TMEFF1: variants seen among roughly 807,000 people sequenced by gnomAD.
TMEFF1 encodes the protein tomoregulin-1.
In TMEFF1, 20 loss-of-function variants were observed where a neutral mutation model predicts 47.5. That is an observed-to-expected ratio of 0.42 (90% CI 0.30 to 0.61). The LOEUF is 0.61. Ranked by LOEUF, TMEFF1 falls within the 20% of genes least tolerant of loss-of-function variation. The probability of loss-of-function intolerance (pLI) is 0.19; values close to 1 mark genes in which losing one functional copy is unlikely to be tolerated. For missense variants in TMEFF1, 411 were observed against 471.1 expected (o/e 0.87, Z 1.18); for synonymous variants, 162 against 166.3 (o/e 0.97, Z 0.20).
In TMEFF1 at chr9:100,550,065, T is replaced by C. The variant is rs371838783; in HGVS notation, c.710-30T>C. 13 of 1,596,022 alleles carry C rather than the reference T, an allele frequency of 8.1e-6. No individual in the cohort carries two copies. In the African/African-American group the frequency reaches 1.6e-4, roughly 20 times the overall value. ...TGATATGACTTAACCATTGTATATA[T>C]TTTAATTTGAAAACCGTCTTCTCTT... On this transcript the variant is annotated intron_variant, in intron 6 of 9. Coordinates refer to ENST00000374879, the MANE Select transcript of TMEFF1 (RefSeq NM_003692.5).
Position 100,536,146 on chromosome 9 carries a change from C to T in TMEFF1, c.561-11598C>T, listed in dbSNP as rs1838501803. Among the ~76,000 whole-genome samples the T allele has an allele frequency of 2.0e-5, 3 of 152,140 alleles. No homozygotes were observed. The South Asian group carries it at 6.2e-4, about 31-fold the overall frequency. ...ATAGATCAGGCTATGTTTATTAGTG[C>T]TAGAAGCGTGTCATTTATTTCAAAA... is the stretch of plus-strand genomic sequence containing the variant. On this transcript the variant is annotated intron_variant, in intron 5 of 9. Transcript: ENST00000374879.
At chr9:100,509,430 A>G (rs1011166024) in intron 3 of TMEFF1, among the ~76,000 whole-genome samples, 16 of 152,028 alleles carry the variant, frequency 1.1e-4, no homozygotes, top group African/African-American at 3.9e-4. Flanking sequence ...AGACAGAATG[A>G]GCTTTGAGGT....
At chr9:100,535,239 T>G (rs1257237926) in intron 5 of TMEFF1, among the ~76,000 whole-genome samples, 1 of 152,212 alleles carries the variant, frequency 6.6e-6, no homozygotes, top group East Asian at 1.9e-4. Context: ...TTATTTTTCA[T>G]TACTTCTTCA....
intron 5 of TMEFF1, among the ~76,000 whole-genome samples, chr9:100,538,762 G>C (rs1838567159): frequency 6.6e-6 from 1 of 152,098 alleles, no homozygotes; most frequent in African/African-American, 2.4e-5. Context: ...CAGTTTTACT[G>C]CTTGTTGAAT....
At chr9:100,498,617 T>G (rs746901511) in intron 1 of TMEFF1, 148 bp from the exon 2 acceptor site, 2 of 593,824 alleles carry the variant, frequency 3.4e-6, no homozygotes, top group African/African-American at 1.9e-5. Flanking sequence ...CAGAATTTCT[T>G]TTTGTATAGT....
chr9:100,567,945 C>T (rs924115226), intron 8 of TMEFF1, among the ~76,000 whole-genome samples: 3 of 152,086 alleles, frequency 2.0e-5, no homozygotes, highest in Admixed American at 6.6e-5. Context: ...AAAGAGAGGG[C>T]CTGTGCAGCA....
intron 3 of TMEFF1, among the ~76,000 whole-genome samples, chr9:100,509,625 T>A (rs1293869203): frequency 6.6e-6 from 1 of 151,928 alleles, no homozygotes; most frequent in African/African-American, 2.4e-5. Context: ...ATACAAAAAA[T>A]TAGCTGGGTG....
chr9:100,539,653 G>A (rs377461279), intron 5 of TMEFF1, among the ~76,000 whole-genome samples: 23 of 152,114 alleles, frequency 1.5e-4, no homozygotes, highest in Non-Finnish European at 2.6e-4. Flanking sequence ...AAGGTGGCGC[G>A]GACCCAAAGA....
intron 7 of TMEFF1, among the ~76,000 whole-genome samples, chr9:100,554,756 G>A (rs182397201): frequency 4.0e-5 from 6 of 151,892 alleles, no homozygotes; most frequent in East Asian, 1.9e-4. Context: ...TGTTAGTGGC[G>A]AAGGCTGGGG....
chr9:100,576,700 A>G lies in TMEFF1; in HGVS notation c.*100A>G. Reference sequence around the variant, plus strand: ...TATTTCAGAGGCCTTATTTTTGGACATTTTTAGTGTAGTACTGTTGGCTCG... The same window carrying G: ...TATTTCAGAGGCCTTATTTTTGGACGTTTTTAGTGTAGTACTGTTGGCTCG... On this transcript the variant is annotated 3_prime_UTR_variant, in exon 10 of 10. Coordinates refer to ENST00000374879, the MANE Select transcript of TMEFF1 (RefSeq NM_003692.5). 1 of 1,425,842 alleles carries G rather than the reference A, an allele frequency of 7.0e-7. No homozygotes were observed. Among genetic ancestry groups the G allele is most frequent in the Non-Finnish European group, 9.5e-7 (1 of 1,053,712 alleles). 88.3% of individuals were successfully genotyped at this position (1,425,842 alleles called of 1,614,324 possible).
At chr9:100,492,876 G>A (rs1837581371) in intron 1 of TMEFF1, among the ~76,000 whole-genome samples, 1 of 151,960 alleles carries the variant, frequency 6.6e-6, no homozygotes, top group Non-Finnish European at 1.5e-5. Context: ...TAAAGGTGGG[G>A]GATTTAACAT....
intron 4 of TMEFF1, among the ~76,000 whole-genome samples, chr9:100,515,578 G>A (rs1838052378): frequency 6.6e-6 from 1 of 152,016 alleles, no homozygotes; most frequent in Admixed American, 6.6e-5. Context: ...ACAAGGTCAG[G>A]AGTTCAAGAC....
rs539598544 is a variant in TMEFF1, at chr9:100,518,231, C to T, written c.560+1460C>T. Among the ~76,000 whole-genome samples, 13 of 152,176 alleles carry T rather than the reference C, an allele frequency of 8.5e-5. No homozygotes were observed. The South Asian group carries it at 2.7e-3, about 32-fold the overall frequency. On this transcript the variant is annotated intron_variant, in intron 5 of 9. Transcript: ENST00000374879. ...TCTGTAATCCCAGTGCTTTGGGAGG[C>T]TTAGGTGGGAGGAATGCTTGAGGCT...
intron 6 of TMEFF1, among the ~76,000 whole-genome samples, chr9:100,548,536 A>G (rs1838777247): frequency 1.3e-5 from 2 of 152,168 alleles, no homozygotes; most frequent in Admixed American, 6.5e-5. Flanking sequence ...TTCCCCAGTA[A>G]TATTCAGATG....
intron 1 of TMEFF1, among the ~76,000 whole-genome samples, chr9:100,488,718 A>C (rs931748270): frequency 6.6e-6 from 1 of 152,196 alleles, no homozygotes; most frequent in Non-Finnish European, 1.5e-5. Flanking sequence ...AAATGGAGGC[A>C]TAGGTGGTAA....
intron 5 of TMEFF1, among the ~76,000 whole-genome samples, chr9:100,541,154 G>A (rs1013541325): frequency 2.6e-5 from 4 of 152,096 alleles, no homozygotes; most frequent in Non-Finnish European, 4.4e-5. Context: ...GGAGAAAAAT[G>A]ATGGACCTCT....
At chr9:100,506,710 T>C (rs1044567943) in intron 2 of TMEFF1, among the ~76,000 whole-genome samples, 4 of 138,394 alleles carry the variant, frequency 2.9e-5, no homozygotes, top group African/African-American at 1.1e-4. Context: ...GAGCTTCCAG[T>C]GAGCCGAGAC....
At chr9:100,539,882 G>C (rs571611970) in intron 5 of TMEFF1, among the ~76,000 whole-genome samples, 6 of 152,094 alleles carry the variant, frequency 3.9e-5, no homozygotes, top group Admixed American at 3.9e-4. Context: ...TGATTGGTCC[G>C]TTTTGACAGA....
At chr9:100,572,392 G>C in intron 8 of TMEFF1, 126 bp from the exon 9 acceptor site, 2 of 1,085,802 alleles carry the variant, frequency 1.8e-6, no homozygotes, top group Non-Finnish European at 1.2e-6. Context: ...CCCCCAGATG[G>C]TAGGAAAGTG....
Sources: allele counts gnomAD v4.1 joint callset (sites outside exome capture counted in the v4.1 genomes callset), GRCh38; gene constraint gnomAD v4.1.1; transcripts MANE v1.5; gene names NCBI Gene and HGNC (gene_info 2026-07-23, HGNC 2026-07-21).